Variants in MAGI1 observed in about 807,000 individuals in gnomAD.
The protein encoded by MAGI1 is membrane-associated guanylate kinase, WW and PDZ domain-containing protein 1.
In MAGI1, 58 loss-of-function variants were observed where a neutral mutation model predicts 139.9. The ratio of observed to expected loss-of-function variants is 0.41; its 90% confidence interval spans 0.34 to 0.52. The LOEUF is 0.52. MAGI1 is among the 20% of genes least tolerant of loss of function. The pLI, the probability that MAGI1 is intolerant of heterozygous loss-of-function variation, is 0.12. For synonymous variants in MAGI1, 812 were observed against 737.9 expected (o/e 1.10, Z -1.63); for missense variants, 1,874 against 1,901.6 (o/e 0.99, Z 0.27).
At chr3:65,618,891 A>C (rs892837795) in intron 2 of MAGI1, among the ~76,000 whole-genome samples, 2 of 152,162 alleles carry the variant, frequency 1.3e-5, no homozygotes, top group African/African-American at 4.8e-5. Flanking sequence ...CTCAGACTTC[A>C]CAACAGGCCC....
intron 1 of MAGI1, among the ~76,000 whole-genome samples, chr3:65,720,390 G>C (rs1205325056): frequency 6.6e-6 from 1 of 152,072 alleles, no homozygotes; most frequent in South Asian, 2.1e-4. Context: ...AGCCTACCCT[G>C]GAAGACTTGG....
intron 1 of MAGI1, among the ~76,000 whole-genome samples, chr3:65,715,787 A>G (rs2032164224): frequency 6.6e-6 from 1 of 152,248 alleles, no homozygotes; most frequent in Non-Finnish European, 1.5e-5. Flanking sequence ...ATAGGAAAAC[A>G]CTTCATTTTA....
At chr3:65,518,032 G>A (rs2077984807) in intron 2 of MAGI1, among the ~76,000 whole-genome samples, 1 of 152,182 alleles carries the variant, frequency 6.6e-6, no homozygotes, top group Non-Finnish European at 1.5e-5. Context: ...AGAGGGTTTT[G>A]TCTGTCTCAT....
chr3:65,822,092 G>A (rs1220214215), intron 1 of MAGI1, among the ~76,000 whole-genome samples: 1 of 152,106 alleles, frequency 6.6e-6, no homozygotes, highest in Non-Finnish European at 1.5e-5. Context: ...ATGGGATCAG[G>A]TAATCCACAC....
At chr3:65,447,651 G>A (rs947643261) in intron 7 of MAGI1, among the ~76,000 whole-genome samples, 10 of 152,030 alleles carry the variant, frequency 6.6e-5, no homozygotes, top group South Asian at 2.1e-4. Context: ...ATAACCATCC[G>A]TACTAAACAA....
At chr3:65,889,577 C>T (rs947498222) in intron 1 of MAGI1, among the ~76,000 whole-genome samples, 2 of 152,292 alleles carry the variant, frequency 1.3e-5, no homozygotes, top group East Asian at 1.9e-4. Context: ...GAGAAATACT[C>T]GCCTAAAAGC....
In MAGI1 at chr3:65,478,803, G is replaced by C; in HGVS notation, c.551-5C>G. On this transcript the variant is annotated splice_region_variant and splice_polypyrimidine_tract_variant and intron_variant, in intron 3 of 22. Coordinates refer to ENST00000402939, the MANE Select transcript of MAGI1 (RefSeq NM_001033057.2). Reference sequence around the variant, plus strand: ...TGGGTGTCCCATAATAGTTTCCTAGGTGATGGAGAGACACATTTGCATGTT... The same window carrying C: ...TGGGTGTCCCATAATAGTTTCCTAGCTGATGGAGAGACACATTTGCATGTT... The C allele has an allele frequency of 6.2e-7, 1 of 1,603,868 alleles. No homozygotes were observed. The highest frequency in any genetic ancestry group is 8.5e-7 in the Non-Finnish European group (1 of 1,171,034).
intron 2 of MAGI1, among the ~76,000 whole-genome samples, chr3:65,593,312 G>T (rs1400020071): frequency 2.0e-5 from 3 of 152,126 alleles, no homozygotes; most frequent in Admixed American, 2.0e-4. Context: ...TGTCAAATTT[G>T]TAGATTCCCA....
intron 2 of MAGI1, among the ~76,000 whole-genome samples, chr3:65,560,326 T>C (rs1170842977): frequency 3.3e-5 from 5 of 152,180 alleles, no homozygotes; most frequent in Non-Finnish European, 5.9e-5. Context: ...TTGTTTGTAA[T>C]ACAAAGGATA....
chr3:65,991,006 A>G (rs543297259), intron 1 of MAGI1, among the ~76,000 whole-genome samples: 7 of 152,038 alleles, frequency 4.6e-5, no homozygotes, highest in Admixed American at 2.0e-4. Flanking sequence ...AAAGTAAATG[A>G]GGCTGGGCAC....
At chr3:65,694,300 G>A (rs1178869941) in intron 1 of MAGI1, among the ~76,000 whole-genome samples, 1 of 152,148 alleles carries the variant, frequency 6.6e-6, no homozygotes, top group Non-Finnish European at 1.5e-5. Context: ...ACTAAGCAGT[G>A]TGCCTTGAGC....
At chr3:65,398,762 G>A (rs889290818) in intron 13 of MAGI1, among the ~76,000 whole-genome samples, 1 of 151,958 alleles carries the variant, frequency 6.6e-6, no homozygotes, top group Non-Finnish European at 1.5e-5. Flanking sequence ...CTGCTATTTG[G>A]CAGAAAAATC....
intron 1 of MAGI1, among the ~76,000 whole-genome samples, chr3:66,003,074 G>C (rs79903360): frequency 0.023 from 3,543 of 152,076 alleles, 155 homozygotes; most frequent in African/African-American, 0.081. Context: ...GAACTGCTTT[G>C]ATCCATCTGC....
chr3:65,604,549 G>T (rs1450894095), intron 2 of MAGI1, among the ~76,000 whole-genome samples: 2 of 152,080 alleles, frequency 1.3e-5, no homozygotes, highest in African/African-American at 4.8e-5. Flanking sequence ...TAATGTCAGA[G>T]ACAAATAATA....
rs562600558 is a variant in MAGI1 at position 66,017,472 on chromosome 3, C to T, written c.313+20524G>A. On this transcript the variant is annotated intron_variant, in intron 1 of 22. Transcript: ENST00000402939. ...AATTCACACAATGGTACATCACACC[C>T]TGAAGGGGATCCTGCCACCTGTCAC... is the stretch of plus-strand genomic sequence containing the variant. 1.2e-4 allele frequency among the ~76,000 whole-genome samples: 18 copies of T among 152,346 alleles called. No homozygotes were observed. The East Asian group carries it at 2.7e-3, about 23-fold the overall frequency.
chr3:65,516,750 C>T (rs1216830675), intron 2 of MAGI1, among the ~76,000 whole-genome samples: 16 of 45,944 alleles, frequency 3.5e-4, no homozygotes, highest in African/African-American at 5.2e-4. Flanking sequence ...TTTTTTGAGA[C>T]GGAGTCTCGC....
intron 1 of MAGI1, among the ~76,000 whole-genome samples, chr3:65,812,169 T>A (rs1223492653): frequency 6.6e-6 from 1 of 152,100 alleles, no homozygotes; most frequent in Non-Finnish European, 1.5e-5. Flanking sequence ...ACATAATAAA[T>A]ACTTTTTTTA....
intron 1 of MAGI1, among the ~76,000 whole-genome samples, chr3:65,640,379 G>A (rs1382630411): frequency 6.6e-6 from 1 of 152,100 alleles, no homozygotes; most frequent in African/African-American, 2.4e-5. Context: ...ATGTATAAAT[G>A]AATAAGTTGG....
In MAGI1 at chr3:65,938,426, C is replaced by T. The variant is rs562269468; in HGVS notation, c.313+99570G>A. On this transcript the variant is annotated intron_variant, in intron 1 of 22. Transcript: ENST00000402939. Reference sequence around the variant, plus strand: ...AGGACCTTTAACAACAAGCTCTGTTCTCACTTATCTGTTCAAGGTGATTCG... The same window carrying T: ...AGGACCTTTAACAACAAGCTCTGTTTTCACTTATCTGTTCAAGGTGATTCG... Among the ~76,000 whole-genome samples, 13 of 150,960 alleles carry T rather than the reference C, an allele frequency of 8.6e-5. No individual in the cohort carries two copies. In the South Asian group the frequency reaches 2.7e-3, roughly 32 times the overall value.
Sources: allele counts gnomAD v4.1 joint callset (sites outside exome capture counted in the v4.1 genomes callset), GRCh38; gene constraint gnomAD v4.1.1; transcripts MANE v1.5; gene names NCBI Gene and HGNC (gene_info 2026-07-23, HGNC 2026-07-21).